ENPP6: variants seen among roughly 807,000 people sequenced by gnomAD.
ENPP6 encodes ectonucleotide pyrophosphatase/phosphodiesterase 6.
Under a neutral mutation model 42.0 loss-of-function variants are expected in ENPP6, and 32 were observed. The ratio of observed to expected loss-of-function variants is 0.76; its 90% CI spans 0.58 to 1.02. The LOEUF (loss-of-function observed/expected upper bound fraction) is 1.02. Ranked by LOEUF, ENPP6 falls within the 50% of genes least tolerant of loss-of-function variation. The probability of loss-of-function intolerance (pLI) is 0.00; values close to 1 mark genes in which losing one functional copy is unlikely to be tolerated. For missense variants in ENPP6, 552 were observed against 566.8 expected, an observed-to-expected ratio of 0.97 and a Z score of 0.27; for synonymous variants, 213 against 216.0, an observed-to-expected ratio of 0.99 and a Z score of 0.12.
In ENPP6 at chr4:184,205,675, TG is replaced by T. The variant is rs569266561; in HGVS notation, c.241+11903del. 2.7e-4 allele frequency among the ~76,000 whole-genome samples: 41 copies of T among 152,294 alleles called. 1 individual carries two copies. The South Asian group carries it at 8.3e-3, about 31-fold the overall frequency. ...GCAGGCACTGCTTTCAAAACAGGGC[TG>T]CTCTAGTTGTGGGGCAGGCAGCGAG... is the stretch of plus-strand genomic sequence containing the variant. On this transcript the variant is annotated intron_variant, in intron 1 of 7. Transcript: ENST00000296741.
At chr4:184,150,879 C>T (rs1398517233) in intron 2 of ENPP6, among the ~76,000 whole-genome samples, 1 of 152,244 alleles carries the variant, frequency 6.6e-6, no homozygotes, top group Non-Finnish European at 1.5e-5. Context: ...GATCTTAAGG[C>T]ATTTTTGTCA....
intron 1 of ENPP6, among the ~76,000 whole-genome samples, chr4:184,186,010 G>T (rs973729022): frequency 1.3e-5 from 2 of 152,184 alleles, no homozygotes; most frequent in Non-Finnish European, 2.9e-5. Context: ...GAAGTGTCAG[G>T]TGTTAGCAAT....
At chr4:184,140,059 G>T (rs1378898775) in intron 2 of ENPP6, among the ~76,000 whole-genome samples, 1 of 149,456 alleles carries the variant, frequency 6.7e-6, no homozygotes, top group Non-Finnish European at 1.5e-5. Flanking sequence ...TCTAACTGGG[G>T]TGAGATGGTA....
At chr4:184,100,816 T>A (rs1735987848) in intron 6 of ENPP6, among the ~76,000 whole-genome samples, 1 of 152,026 alleles carries the variant, frequency 6.6e-6, no homozygotes, top group Admixed American at 6.6e-5. Context: ...TCAGGGCCGG[T>A]TTATTCAGTT....
intron 6 of ENPP6, among the ~76,000 whole-genome samples, chr4:184,110,546 T>C (rs1372112254): frequency 1.3e-5 from 2 of 152,200 alleles, no homozygotes; most frequent in Non-Finnish European, 2.9e-5. Context: ...TGGCCCTGGC[T>C]CTGGTATGTA....
At chr4:184,101,921 C>T (rs1353580028) in intron 6 of ENPP6, among the ~76,000 whole-genome samples, 1 of 152,206 alleles carries the variant, frequency 6.6e-6, no homozygotes, top group Non-Finnish European at 1.5e-5. Flanking sequence ...TGAGAAGCCG[C>T]TGCGAGGGTG....
rs148434007 is a variant in ENPP6, at chr4:184,091,248, C to T, written c.1252G>A (p.Ala418Thr). 2,394 of 1,600,478 alleles carry T rather than the reference C, an allele frequency of 1.5e-3. 5 individuals are homozygous for T. The highest frequency in any genetic ancestry group is 1.7e-3 in the Non-Finnish European group (1,940 of 1,173,488). The change falls in exon 8 of 8, where the codon GCC (alanine) becomes ACC (threonine). Residue 418 changes from alanine to threonine, a missense_variant. By Grantham distance (58) the Ala-to-Thr change is moderately conservative (BLOSUM62 0). Transcript: ENST00000296741. Reference sequence around the variant, plus strand: ...GGCCAGACAGGCGGGGCAGTGCTGGCGCGGCCCTTCAGCATGCACATCACC... The same window carrying T: ...GGCCAGACAGGCGGGGCAGTGCTGGTGCGGCCCTTCAGCATGCACATCACC... ...SRVMCMLKGR[A>T]STAPPVWPSH...
chr4:184,124,094 T>C, intron 3 of ENPP6, 67 bp downstream of exon 3: 1 of 1,289,190 alleles, frequency 7.8e-7, no homozygotes, highest in Non-Finnish European at 1.1e-6. Flanking sequence ...CTTAATTCAC[T>C]TTAGGATCCA....
chr4:184,162,155 T>C (rs66561828), intron 1 of ENPP6, among the ~76,000 whole-genome samples: 6,859 of 152,252 alleles, frequency 0.045, 175 homozygotes, highest in South Asian at 0.063. Context: ...GTCTCATTGC[T>C]TCCCTATTTT....
At chr4:184,176,906 C>T (rs531050494) in intron 1 of ENPP6, among the ~76,000 whole-genome samples, 10 of 152,258 alleles carry the variant, frequency 6.6e-5, no homozygotes, top group South Asian at 4.1e-4. Context: ...TCTGAAGCTC[C>T]GTTTTTTAAT....
intron 1 of ENPP6, among the ~76,000 whole-genome samples, chr4:184,160,655 G>T (rs1304953201): frequency 6.6e-6 from 1 of 151,920 alleles, no homozygotes; most frequent in African/African-American, 2.4e-5. Context: ...TATGAGTATT[G>T]GGGGAGAGTC....
At chr4:184,119,808 T>C (rs1736385323) in intron 3 of ENPP6, among the ~76,000 whole-genome samples, 1 of 152,136 alleles carries the variant, frequency 6.6e-6, no homozygotes, top group Non-Finnish European at 1.5e-5. Context: ...TATAAAGGGA[T>C]TTCCCCCCTT....
intron 1 of ENPP6, among the ~76,000 whole-genome samples, chr4:184,209,270 A>G (rs1006047799): frequency 2.0e-5 from 3 of 150,722 alleles, no homozygotes; most frequent in Admixed American, 6.6e-5. Flanking sequence ...AGAAGGCTTC[A>G]GACGATCAAA....
At chr4:184,134,717 A>T (rs1736703871) in intron 2 of ENPP6, among the ~76,000 whole-genome samples, 1 of 148,262 alleles carries the variant, frequency 6.7e-6, no homozygotes, top group Non-Finnish European at 1.5e-5. Context: ...TTGTATGTTT[A>T]TTTTCTATTT....
chr4:184,173,488 T>C (rs899999138), intron 1 of ENPP6, among the ~76,000 whole-genome samples: 1 of 152,170 alleles, frequency 6.6e-6, no homozygotes, highest in African/African-American at 2.4e-5. Flanking sequence ...ACCAAGAAGG[T>C]CTAAGGGCAA....
At chr4:184,101,303 CTTGTGTGTGTGT>C (rs1365666258) in intron 6 of ENPP6, among the ~76,000 whole-genome samples, 23 of 89,770 alleles carry the variant, frequency 2.6e-4, no homozygotes, top group African/African-American at 8.1e-4. Context: ...TGTGTGTGAG[CTTGTGTGTGTGT>C]GTGTGTGTGT....
intron 1 of ENPP6, among the ~76,000 whole-genome samples, chr4:184,196,723 A>G (rs1205156914): frequency 6.6e-6 from 1 of 152,240 alleles, no homozygotes; most frequent in East Asian, 1.9e-4. Context: ...AATAGATGGT[A>G]TCAACAAAGA....
chr4:184,093,850 A>G (rs2111326385), intron 7 of ENPP6, among the ~76,000 whole-genome samples: 1 of 151,812 alleles, frequency 6.6e-6, no homozygotes. Flanking sequence ...CATGGAAGCA[A>G]CTCTTCTATC....
At chr4:184,203,383 A>G (rs980739294) in intron 1 of ENPP6, among the ~76,000 whole-genome samples, 1 of 152,232 alleles carries the variant, frequency 6.6e-6, no homozygotes, top group Non-Finnish European at 1.5e-5. Context: ...ACCATGCGTA[A>G]TGGGTTGACT....
Sources: allele counts gnomAD v4.1 joint callset (sites outside exome capture counted in the v4.1 genomes callset), GRCh38; gene constraint gnomAD v4.1.1; transcripts MANE v1.5; gene names NCBI Gene and HGNC (gene_info 2026-07-23, HGNC 2026-07-21).